The following RBFOX1 variants were observed in gnomAD, a reference collection of about 807,000 sequenced individuals.
RBFOX1 encodes RNA binding protein fox-1 homolog 1.
A neutral mutation model predicts 57.7 loss-of-function variants in RBFOX1; 8 were observed. The ratio of observed to expected loss-of-function variants is 0.14; its 90% CI spans 0.08 to 0.25. The LOEUF (loss-of-function observed/expected upper bound fraction) is 0.25. RBFOX1 is among the 10% of genes least tolerant of loss of function. The pLI, the probability that RBFOX1 is intolerant of heterozygous loss-of-function variation, is 1.00. For synonymous variants in RBFOX1, 326 were observed against 222.4 expected (o/e 1.47, Z -4.15); for missense variants, 611 against 548.5 (o/e 1.11, Z -1.14).
intron 4 of RBFOX1, among the ~76,000 whole-genome samples, chr16:7,403,677 G>T (rs1448092573): frequency 6.7e-6 from 1 of 150,078 alleles, no homozygotes; most frequent in East Asian, 2.0e-4. Context: ...CTCCTGAATA[G>T]CTGGGATTAC....
chr16:6,005,090 A>T (rs2060669479), intron 4 of RBFOX1, among the ~76,000 whole-genome samples: 1 of 152,230 alleles, frequency 6.6e-6, no homozygotes, highest in South Asian at 2.1e-4. Context: ...TAGAAATTAT[A>T]AAAAGCCAAG....
At position 6,100,935 on chromosome 16, in the gene RBFOX1, C is replaced by A. The variant is rs146127507; in HGVS notation, c.-127+80943C>A. On this transcript the variant is annotated intron_variant, in intron 1 of 15. Transcript: ENST00000550418. ...GAGGGATGACTGTGTGGCCAATCTT[C>A]CCTACAGGCACAAAGGGATTTTTTT... Among the ~76,000 whole-genome samples, 260 of 152,226 alleles carry A rather than the reference C, an allele frequency of 1.7e-3. 3 individuals are homozygous for A. The highest frequency in any genetic ancestry group is 5.5e-3 in the African/African-American group (229 of 41,552).
At chr16:7,356,275 C>T (rs138788781) in intron 4 of RBFOX1, among the ~76,000 whole-genome samples, 75 of 152,204 alleles carry the variant, frequency 4.9e-4, no homozygotes, top group African/African-American at 1.7e-3. Flanking sequence ...GGATGGAGGC[C>T]CACACAGGCA....
intron 3 of RBFOX1, among the ~76,000 whole-genome samples, chr16:5,735,970 C>T (rs1470015379): frequency 6.6e-6 from 1 of 152,146 alleles, no homozygotes. Flanking sequence ...GGGTAGAGTA[C>T]ACATGTGTTC....
chr16:5,609,543 T>C (rs1055284881), intron 3 of RBFOX1, among the ~76,000 whole-genome samples: 2 of 152,158 alleles, frequency 1.3e-5, no homozygotes, highest in African/African-American at 2.4e-5. Context: ...GTGTCAAGCA[T>C]GTAGAGATGT....
chr16:6,650,867 A>C (rs1226254197), intron 2 of RBFOX1, among the ~76,000 whole-genome samples: 2 of 152,052 alleles, frequency 1.3e-5, no homozygotes, highest in African/African-American at 4.8e-5. Context: ...ACTTAACCAC[A>C]ATGGAGTCCC....
intron 3 of RBFOX1, among the ~76,000 whole-genome samples, chr16:5,608,377 G>GGT: frequency 6.6e-6 from 1 of 151,882 alleles, no homozygotes; most frequent in Middle Eastern, 3.4e-3. Context: ...GAGGTGTGAG[G>GGT]GTCCACACGT....
At chr16:6,646,737 T>C (rs1390131664) in intron 2 of RBFOX1, among the ~76,000 whole-genome samples, 1 of 152,106 alleles carries the variant, frequency 6.6e-6, no homozygotes, top group East Asian at 1.9e-4. Flanking sequence ...TAATCTGTGA[T>C]TTTCATCACT....
chr16:6,313,990 T>C (rs1425247849), intron 1 of RBFOX1, among the ~76,000 whole-genome samples: 1 of 152,144 alleles, frequency 6.6e-6, no homozygotes, highest in Admixed American at 6.5e-5. Context: ...CTTTACAGGT[T>C]CTTATTAGTG....
Position 6,710,669 on chromosome 16 carries a change from A to G in RBFOX1, c.-16+56019A>G, listed in dbSNP as rs376988934. ...GTCTCAAGTATGGCTGAATCCAGAA[A>G]CACACCTGCTGCAGTTTGGAAATTC... is the stretch of plus-strand genomic sequence containing the variant. On this transcript the variant is annotated intron_variant, in intron 3 of 15. Coordinates refer to ENST00000550418, the MANE Select transcript of RBFOX1 (RefSeq NM_018723.4). Among the ~76,000 whole-genome samples, 14 of 152,360 alleles carry G rather than the reference A, an allele frequency of 9.2e-5. 1 individual carries two copies. The highest frequency in any genetic ancestry group is 3.1e-4 in the African/African-American group (13 of 41,584).
intron 2 of RBFOX1, among the ~76,000 whole-genome samples, chr16:5,484,332 C>T (rs926727086): frequency 4.6e-5 from 7 of 152,200 alleles, no homozygotes. Context: ...CCACACAAAC[C>T]CCTCCAGTAA....
chr16:7,160,548 T>A (rs2078096457), intron 4 of RBFOX1, among the ~76,000 whole-genome samples: 1 of 152,212 alleles, frequency 6.6e-6, no homozygotes, highest in Non-Finnish European at 1.5e-5. Context: ...TAACTTGTTC[T>A]TGTTGATTCA....
intron 4 of RBFOX1, among the ~76,000 whole-genome samples, chr16:7,463,902 A>C (rs1008532612): frequency 3.9e-5 from 6 of 152,214 alleles, no homozygotes; most frequent in Middle Eastern, 3.4e-3. Flanking sequence ...AGTAGAGACT[A>C]TTATTCATCT....
chr16:5,926,902 G>T (rs188167495), intron 4 of RBFOX1, among the ~76,000 whole-genome samples: 11 of 152,270 alleles, frequency 7.2e-5, no homozygotes, highest in Admixed American at 7.2e-4. Flanking sequence ...AGGAACTGAA[G>T]TTTATACAGT....
chr16:5,699,946 G>GA (rs1555504146), intron 3 of RBFOX1, among the ~76,000 whole-genome samples: 1 of 152,080 alleles, frequency 6.6e-6, no homozygotes, highest in African/African-American at 2.4e-5. Flanking sequence ...CCATTCTCCT[G>GA]CTCAGCCTCC....
chr16:7,201,658 T>G (rs901237449), intron 4 of RBFOX1, among the ~76,000 whole-genome samples: 15 of 152,054 alleles, frequency 9.9e-5, no homozygotes, highest in African/African-American at 3.6e-4. Context: ...GAGATATGGT[T>G]TCACCTTGTT....
chr16:7,267,918 G>T (rs375773961), intron 4 of RBFOX1, among the ~76,000 whole-genome samples: 6 of 152,310 alleles, frequency 3.9e-5, no homozygotes, highest in East Asian at 3.9e-4. Context: ...CTTCAGTACA[G>T]TCATGCAGCA....
At chr16:6,657,070 C>G (rs12917677) in intron 3 of RBFOX1, among the ~76,000 whole-genome samples, 20 of 91,030 alleles carry the variant, frequency 2.2e-4, no homozygotes, top group East Asian at 7.4e-4. Flanking sequence ...TTCCTCTCCT[C>G]TCCTCCCCTT....
At chr16:7,277,708 A>C (rs113940755) in intron 4 of RBFOX1, among the ~76,000 whole-genome samples, 1 of 152,212 alleles carries the variant, frequency 6.6e-6, no homozygotes, top group Admixed American at 6.5e-5. Flanking sequence ...ATCAAAGCCA[A>C]GGACTTCTAT....
Sources: allele counts gnomAD v4.1 joint callset (sites outside exome capture counted in the v4.1 genomes callset), GRCh38; gene constraint gnomAD v4.1.1; transcripts MANE v1.5; gene names NCBI Gene and HGNC (gene_info 2026-07-23, HGNC 2026-07-21).